The following ASIC2 variants were observed in gnomAD, a reference collection of about 807,000 sequenced individuals.
ASIC2 encodes acid sensing ion channel subunit 2, also known as acid-sensing ion channel 2.
In ASIC2, 25 loss-of-function variants were observed where a neutral mutation model predicts 57.3. The observed-to-expected ratio is 0.44, with a 90% CI of 0.32 to 0.61. The LOEUF (loss-of-function observed/expected upper bound fraction) is 0.61. Ranked by LOEUF, ASIC2 falls within the 20% of genes least tolerant of loss-of-function variation. The probability of loss-of-function intolerance (pLI) is 0.06; values close to 1 mark genes in which losing one functional copy is unlikely to be tolerated. For synonymous variants in ASIC2, 319 were observed against 307.5 expected (o/e 1.04, Z -0.39); for missense variants, 641 against 738.1 (o/e 0.87, Z 1.52).
chr17:34,100,753 G>A (rs927776535), intron 1 of ASIC2, among the ~76,000 whole-genome samples: 2 of 152,126 alleles, frequency 1.3e-5, no homozygotes, highest in Admixed American at 6.5e-5. Context: ...TTCCCTTTAA[G>A]TGAATTCTGC....
chr17:33,595,415 G>C (rs1326468393), intron 1 of ASIC2, among the ~76,000 whole-genome samples: 1 of 152,192 alleles, frequency 6.6e-6, no homozygotes, highest in Non-Finnish European at 1.5e-5. Context: ...CTGGGAGCCC[G>C]GTTGTTCTAA....
At chr17:33,849,033 T>C (rs1422856696) in intron 1 of ASIC2, among the ~76,000 whole-genome samples, 3 of 152,252 alleles carry the variant, frequency 2.0e-5, no homozygotes, top group East Asian at 3.8e-4. Context: ...TCTGCATTTA[T>C]GTTTCAGAAA....
At chr17:34,103,533 T>G (rs1237153966) in intron 1 of ASIC2, among the ~76,000 whole-genome samples, 1 of 152,184 alleles carries the variant, frequency 6.6e-6, no homozygotes, top group Non-Finnish European at 1.5e-5. Context: ...TCTTAACATT[T>G]TTCGTTATCC....
chr17:33,635,667 T>C (rs1906335427), intron 1 of ASIC2, among the ~76,000 whole-genome samples: 3 of 152,206 alleles, frequency 2.0e-5, no homozygotes, highest in Non-Finnish European at 4.4e-5. Context: ...GAATTTATTT[T>C]TAGCGTCTCT....
intron 1 of ASIC2, among the ~76,000 whole-genome samples, chr17:33,474,750 G>T (rs561359913): frequency 2.6e-5 from 4 of 152,306 alleles, no homozygotes; most frequent in African/African-American, 9.6e-5. Context: ...AGCCTCCTAT[G>T]GCAGAGGGCA....
intron 1 of ASIC2, among the ~76,000 whole-genome samples, chr17:33,184,080 C>A (rs1906092684): frequency 1.3e-5 from 2 of 152,132 alleles, no homozygotes; most frequent in Admixed American, 1.3e-4. Flanking sequence ...TTAATGGAGG[C>A]TATTACTACA....
intron 1 of ASIC2, among the ~76,000 whole-genome samples, chr17:33,566,183 A>C (rs879942640): frequency 2.0e-5 from 3 of 152,214 alleles, no homozygotes. Context: ...TACAGAATAG[A>C]TGGGAGTTCT....
intron 1 of ASIC2, among the ~76,000 whole-genome samples, chr17:33,518,803 A>C (rs1381553945): frequency 6.6e-6 from 1 of 151,938 alleles, no homozygotes; most frequent in Non-Finnish European, 1.5e-5. Context: ...TTAATCCCAC[A>C]GTGGCCCTGT....
chr17:34,043,513 T>A (rs1908218000), intron 1 of ASIC2, among the ~76,000 whole-genome samples: 1 of 152,202 alleles, frequency 6.6e-6, no homozygotes, highest in African/African-American at 2.4e-5. Flanking sequence ...GCAAAATGAT[T>A]TCAAATATAT....
At chr17:33,042,621 G>A (rs2091934013) in intron 3 of ASIC2, among the ~76,000 whole-genome samples, 3 of 152,362 alleles carry the variant, frequency 2.0e-5, no homozygotes, top group East Asian at 3.9e-4. Flanking sequence ...TACCTGGTGA[G>A]ACTGGAGCCC....
chr17:34,015,069 T>G (rs978852972), intron 1 of ASIC2, among the ~76,000 whole-genome samples: 6 of 124,098 alleles, frequency 4.8e-5, no homozygotes, highest in African/African-American at 2.0e-4. Flanking sequence ...TTCTTCTGCC[T>G]TTTTTTTTTT....
intron 1 of ASIC2, among the ~76,000 whole-genome samples, chr17:33,495,417 C>A (rs190578746): frequency 1.3e-5 from 2 of 152,314 alleles, no homozygotes; most frequent in East Asian, 3.9e-4. Flanking sequence ...TTATTCTCAT[C>A]TTCTCGGAAA....
intron 1 of ASIC2, among the ~76,000 whole-genome samples, chr17:33,846,728 T>A (rs938478468): frequency 1.4e-5 from 2 of 139,936 alleles, no homozygotes; most frequent in Non-Finnish European, 3.0e-5. Context: ...AGTGATAACT[T>A]TTTTTTTTTT....
chr17:33,990,916 T>C (rs1000144376), intron 1 of ASIC2, among the ~76,000 whole-genome samples: 1 of 152,172 alleles, frequency 6.6e-6, no homozygotes, highest in Non-Finnish European at 1.5e-5. Flanking sequence ...TCAAAGATGA[T>C]CATTCAAAGA....
chr17:33,712,635 G>GTTTTTTTTTTTTTTTTTTTTTT (rs1567695931), intron 1 of ASIC2, among the ~76,000 whole-genome samples: 1 of 123,326 alleles, frequency 8.1e-6, no homozygotes, highest in African/African-American at 3.2e-5. Flanking sequence ...TACTCATATG[G>GTTTTTTTTTTTTTTTTTTTTTT]CTTTTTTTTT....
intron 1 of ASIC2, chr17:33,534,722 G>C (rs12938149): frequency 0.5 from 75,892 of 152,024 alleles, 20,440 homozygotes; most frequent in Non-Finnish European, 0.61. Flanking sequence ...TCTTAGACTA[G>C]AATTCAGGTC....
chr17:33,126,840 C>A (rs2092324844), intron 1 of ASIC2, among the ~76,000 whole-genome samples: 2 of 149,876 alleles, frequency 1.3e-5, no homozygotes, highest in Admixed American at 6.7e-5. Flanking sequence ...AACCTCCCAG[C>A]AACCCTACCA....
intron 1 of ASIC2, among the ~76,000 whole-genome samples, chr17:33,446,673 A>G (rs1189739127): frequency 6.6e-6 from 1 of 152,208 alleles, no homozygotes; most frequent in Non-Finnish European, 1.5e-5. Context: ...TATAGAGGCT[A>G]TAGGTTCCTA....
chr17:33,064,265 T>A (rs1445000356), intron 3 of ASIC2, among the ~76,000 whole-genome samples: 1 of 152,222 alleles, frequency 6.6e-6, no homozygotes, highest in Non-Finnish European at 1.5e-5. Context: ...GTTTTTCTGC[T>A]CTGTTTTTTC....
Sources: allele counts gnomAD v4.1 joint callset (sites outside exome capture counted in the v4.1 genomes callset), GRCh38; gene constraint gnomAD v4.1.1; transcripts MANE v1.5; gene names NCBI Gene and HGNC (gene_info 2026-07-23, HGNC 2026-07-21).